Variants in DNMBP observed in about 807,000 individuals in gnomAD.
DNMBP encodes dynamin-binding protein.
DNMBP carries 87 observed loss-of-function variants against 150.0 expected under a neutral mutation model. That is an observed-to-expected ratio of 0.58 (90% CI 0.49 to 0.69). DNMBP has a LOEUF of 0.69. Ranked by LOEUF, DNMBP falls within the 30% of genes least tolerant of loss-of-function variation. DNMBP has a pLI of 0.00. For missense variants in DNMBP, 1,774 were observed against 1,949.0 expected (o/e 0.91, Z 1.69); for synonymous variants, 711 against 750.4 (o/e 0.95, Z 0.86).
chr10:99,967,698 TGG>T (rs1160861668), intron 3 of DNMBP, among the ~76,000 whole-genome samples: 2,665 of 151,040 alleles, frequency 0.018, 27 homozygotes, highest in Non-Finnish European at 0.025. Context: ...TGTGTGTGTG[TGG>T]GTATGTGTGT....
intron 1 of DNMBP, among the ~76,000 whole-genome samples, chr10:99,997,925 C>A (rs1419893862): frequency 2.7e-5 from 1 of 36,782 alleles, no homozygotes; most frequent in Non-Finnish European, 4.9e-5. Context: ...GAGACTCTGT[C>A]TCAAAAAAAA....
At chr10:99,929,691 C>T (rs1284391917) in intron 4 of DNMBP, 3 of 702,974 alleles carry the variant, frequency 4.3e-6, no homozygotes, top group Non-Finnish European at 7.8e-6. Context: ...ATTCCTTCTC[C>T]AAGTCTCTGG....
intron 4 of DNMBP, among the ~76,000 whole-genome samples, chr10:99,948,026 G>T (rs899287623): frequency 6.6e-6 from 1 of 152,194 alleles, no homozygotes; most frequent in Non-Finnish European, 1.5e-5. Context: ...GGGAAGCTAT[G>T]TATGTGTGGG....
chr10:99,902,197 G>A (rs2039751681), intron 6 of DNMBP, among the ~76,000 whole-genome samples: 1 of 148,752 alleles, frequency 6.7e-6, no homozygotes, highest in Admixed American at 6.7e-5. Context: ...GGCCTAAAAA[G>A]TTTCTATTTA....
intron 12 of DNMBP, 64 bp downstream of exon 12, chr10:99,888,761 A>C: frequency 5.6e-6 from 9 of 1,600,014 alleles, no homozygotes; most frequent in Non-Finnish European, 7.7e-6. Context: ...ACTGACTTGC[A>C]TGAGCTGATG....
rs1380939688 is a variant in DNMBP at position 99,884,180 on chromosome 10, G to A, written c.3828C>T (p.Leu1276=). 6.2e-7 allele frequency: 1 copy of A among 1,613,542 alleles called. No homozygotes were observed. The highest frequency in any genetic ancestry group is 8.5e-7 in the Non-Finnish European group (1 of 1,180,020). ...GATACCTGGCCAGGAGGGAGGCCCG[G>A]AGTTCTTCTGACTGTAGCATGTAAC... ...LPSYMLQSEE[L]RASLLARYPP... The change falls in exon 15 of 17, where the codon CTC becomes CTT. Residue 1276 remains leucine, a synonymous_variant. Transcript: ENST00000324109.
At chr10:99,912,742 A>T (rs887021668) in intron 4 of DNMBP, among the ~76,000 whole-genome samples, 1 of 152,058 alleles carries the variant, frequency 6.6e-6, no homozygotes, top group Admixed American at 6.5e-5. Context: ...GACTAGTTTC[A>T]AACTCCTGGG....
At chr10:99,906,936 G>GA (rs1360612422) in intron 6 of DNMBP, among the ~76,000 whole-genome samples, 12 of 152,210 alleles carry the variant, frequency 7.9e-5, no homozygotes, top group African/African-American at 2.7e-4. Flanking sequence ...AGAACTAGAT[G>GA]AATGTTTTAA....
rs1486894806 is a variant in DNMBP at position 99,955,539 on chromosome 10, A to T, written c.1935T>A (p.Ala645=). The T allele has an allele frequency of 1.9e-6, 3 of 1,596,490 alleles. No homozygotes were observed. In the East Asian group the frequency reaches 6.7e-5, roughly 36 times the overall value. The change falls in exon 4 of 17, where the codon GCT becomes GCA. Residue 645 remains alanine, a synonymous_variant. Coordinates refer to ENST00000324109, the MANE Select transcript of DNMBP (RefSeq NM_015221.4). ...TCTGCTGTGCTGAGGGAGGCAGGGGAGCTGGGCGAGAGGGTCGCACCACCA... is the reference window on the plus strand; with the variant it reads ...TCTGCTGTGCTGAGGGAGGCAGGGGTGCTGGGCGAGAGGGTCGCACCACCA... ...PPLVVRPSRP[A]PLPPSAQQRT...
In DNMBP at chr10:99,969,882, G is replaced by A. The variant is rs1362002372; in HGVS notation, c.146-645C>T. Among the ~76,000 whole-genome samples the A allele has an allele frequency of 4.6e-5, 7 of 152,122 alleles. No homozygotes were observed. The South Asian group carries it at 1.5e-3, about 32-fold the overall frequency. ...CCTTCCAAATGCTTCCCTGCCTTCA[G>A]TTTTGTCCCTTTCTATCATTCTTAA... On this transcript the variant is annotated intron_variant, in intron 2 of 16. Coordinates refer to ENST00000324109, the MANE Select transcript of DNMBP (RefSeq NM_015221.4).
chr10:99,888,912 CCACATGCTCACAGCAGCCACCACTTTCA>C lies in DNMBP; in HGVS notation c.3170_3197del (p.Val1057GlyfsTer42), dbSNP rs1564717570. 1 of 1,614,144 alleles carries C rather than the reference CCACATGCTCACAGCAGCCACCACTTTCA, an allele frequency of 6.2e-7. No homozygotes were observed. The highest frequency in any genetic ancestry group is 8.5e-7 in the Non-Finnish European group (1 of 1,180,024). On this transcript the variant is annotated frameshift_variant, in exon 12 of 17. Coordinates refer to ENST00000324109, the MANE Select transcript of DNMBP (RefSeq NM_015221.4). LOFTEE classifies it high-confidence loss of function. ...GGTGTCCTCTCTCCATGCACACATC[CCACATGCTCACAGCAGCCACCACTTTCA>C]CACATGCGGACTCCTGGAGCCAGTT... is the stretch of plus-strand genomic sequence containing the variant.
chr10:99,956,988 T>C lies in DNMBP; in HGVS notation c.486A>G (p.Glu162=). The change falls in exon 4 of 17, where the codon GAA becomes GAG. Residue 162 remains glutamate (E), a synonymous_variant. Coordinates refer to ENST00000324109, the MANE Select transcript of DNMBP (RefSeq NM_015221.4). ...ALMGLSAQLD[E]ELDFREGDVI... Reference sequence around the variant, plus strand: ...CATCCCCTTCCCTGAAGTCCAGCTCTTCATCCAGCTGAGCAGAAAGCCCCA... The same window carrying C: ...CATCCCCTTCCCTGAAGTCCAGCTCCTCATCCAGCTGAGCAGAAAGCCCCA... The C allele has an allele frequency of 6.2e-7, 1 of 1,614,214 alleles. No individual in the cohort carries two copies. The highest frequency in any genetic ancestry group is 8.5e-7 in the Non-Finnish European group (1 of 1,180,042).
intron 2 of DNMBP, 124 bp downstream of exon 2, chr10:99,971,856 C>A: frequency 1.1e-6 from 1 of 941,820 alleles, no homozygotes; most frequent in Non-Finnish European, 1.6e-6. Context: ...TTCTTTCTTT[C>A]TTTCTTTTTT....
intron 6 of DNMBP, 66 bp downstream of exon 6, chr10:99,907,929 G>T (rs1259148611): frequency 4.2e-6 from 5 of 1,183,218 alleles, no homozygotes. Flanking sequence ...TATCAGGAAG[G>T]CCACTTACTC....
At chr10:99,915,214 TACACACACAC>T (rs10654941) in intron 4 of DNMBP, among the ~76,000 whole-genome samples, 24 of 142,546 alleles carry the variant, frequency 1.7e-4, no homozygotes, top group Non-Finnish European at 2.7e-4. Flanking sequence ...CATATATACA[TACACACACAC>T]ACACACACAC....
At chr10:99,929,629 G>C in intron 4 of DNMBP, 2 of 686,766 alleles carry the variant, frequency 2.9e-6, no homozygotes, top group Non-Finnish European at 5.3e-6. Flanking sequence ...TTGCTGTTTT[G>C]CACGAACTCT....
In DNMBP at chr10:99,894,968, G is replaced by C. The variant is rs373183537; in HGVS notation, c.3134C>G (p.Ser1045Cys). ...CACCCGGATGTGCTGGAGGTAGAGA[G>C]ACAGGTCTCGGATAAAAGACTTAAT... ...RLIKSFIRDL[S>C]LYLQHIRESA... Residue 1045 changes from serine (S) to cysteine (C), a missense_variant, in exon 11 of 17, where the codon TCT (serine) becomes TGT (cysteine). Ser to Cys is a moderately radical substitution (Grantham distance 112). This residue lies in a region of DNMBP where 1,430 missense variants were observed against 1,492.5 expected (regional missense o/e 0.96). Transcript: ENST00000324109. 157 of 1,613,904 alleles carry C rather than the reference G, an allele frequency of 9.7e-5. 1 individual carries two copies. The East Asian group carries it at 3.4e-3, about 35-fold the overall frequency.
intron 7 of DNMBP, 156 bp downstream of exon 7, chr10:99,899,763 A>G (rs2039711873): frequency 2.3e-6 from 2 of 877,738 alleles, no homozygotes; most frequent in South Asian, 1.4e-5. Context: ...ACTTATTCAC[A>G]TGGACAAAAA....
At chr10:99,968,803 A>G (rs2040646223) in intron 3 of DNMBP, among the ~76,000 whole-genome samples, 1 of 152,140 alleles carries the variant, frequency 6.6e-6, no homozygotes, top group Non-Finnish European at 1.5e-5. Context: ...TCTGAGGCCA[A>G]GACTTCCCAC....
Sources: allele counts gnomAD v4.1 joint callset (sites outside exome capture counted in the v4.1 genomes callset), GRCh38; gene constraint gnomAD v4.1.1; regional missense constraint gnomAD v4.1.1; transcripts MANE v1.5; gene names NCBI Gene and HGNC (gene_info 2026-07-23, HGNC 2026-07-21).